REDIC1: variants seen among roughly 807,000 people sequenced by gnomAD.
The protein encoded by REDIC1 is HEI10 Interacting Protein 1.
chr12:39,692,577 G>T, the REDIC1 span, among the ~76,000 whole-genome samples: 1 of 150,826 alleles, frequency 6.6e-6, no homozygotes, highest in African/African-American at 2.4e-5. Context: ...CAGTTCATCT[G>T]CTTTGATACT....
the REDIC1 span, among the ~76,000 whole-genome samples, chr12:39,771,368 C>T: frequency 6.6e-6 from 1 of 152,142 alleles, no homozygotes; most frequent in Admixed American, 6.6e-5. Context: ...CATTCCCTTG[C>T]TGGTTTTGGA....
At chr12:39,872,936 G>A in the REDIC1 span, among the ~76,000 whole-genome samples, 1 of 152,080 alleles carries the variant, frequency 6.6e-6, no homozygotes, top group African/African-American at 2.4e-5. Flanking sequence ...GTTAAATCAG[G>A]CTGAATATTT....
At chr12:39,896,308 AC>A in the REDIC1 span, among the ~76,000 whole-genome samples, 1 of 128,954 alleles carries the variant, frequency 7.8e-6, no homozygotes, top group Non-Finnish European at 1.7e-5. Flanking sequence ...ATATATGTAT[AC>A]ATATATGTAT....
At chr12:39,654,512 C>T in the REDIC1 span, among the ~76,000 whole-genome samples, 3 of 151,872 alleles carry the variant, frequency 2.0e-5, no homozygotes, top group Middle Eastern at 3.4e-3. Flanking sequence ...GGTGTGAACC[C>T]GGCAGGCGGA....
the REDIC1 span, among the ~76,000 whole-genome samples, chr12:39,897,739 T>C: frequency 6.6e-6 from 1 of 152,140 alleles, no homozygotes; most frequent in African/African-American, 2.4e-5. Context: ...GTAGAGAAAC[T>C]TAGAAAACAA....
chr12:39,884,951 T>C, the REDIC1 span, among the ~76,000 whole-genome samples: 2 of 152,194 alleles, frequency 1.3e-5, no homozygotes, highest in African/African-American at 4.8e-5. Flanking sequence ...TTAGTCATAA[T>C]TAGGATGATA....
the REDIC1 span, among the ~76,000 whole-genome samples, chr12:39,777,086 T>C: frequency 3.3e-5 from 5 of 152,248 alleles, no homozygotes; most frequent in Non-Finnish European, 7.3e-5. Flanking sequence ...TTTGGAATCA[T>C]ATTCGGAATC....
the REDIC1 span, chr12:39,830,409 C>T: frequency 2.9e-5 from 38 of 1,318,690 alleles, 1 homozygote; most frequent in South Asian, 5.8e-4. Context: ...CTGGTCTCTT[C>T]GATTTCTCCC....
the REDIC1 span, among the ~76,000 whole-genome samples, chr12:39,627,613 C>T: frequency 2.6e-5 from 4 of 152,208 alleles, no homozygotes; most frequent in Non-Finnish European, 5.9e-5. Context: ...ACTGCAGCAC[C>T]TGGAGGTGCA....
chr12:39,770,614 T>G, the REDIC1 span, among the ~76,000 whole-genome samples: 3 of 152,166 alleles, frequency 2.0e-5, no homozygotes, highest in Non-Finnish European at 4.4e-5. Context: ...GAACATTAAA[T>G]ATTCCCATCT....
At chr12:39,685,529 C>T in the REDIC1 span, among the ~76,000 whole-genome samples, 2 of 152,046 alleles carry the variant, frequency 1.3e-5, no homozygotes, top group African/African-American at 4.8e-5. Context: ...AAACCACTGC[C>T]CTGCTATGAT....
At chr12:39,830,829 T>C in the REDIC1 span, among the ~76,000 whole-genome samples, 2 of 152,192 alleles carry the variant, frequency 1.3e-5, no homozygotes, top group Non-Finnish European at 2.9e-5. Flanking sequence ...GAGTATCAAT[T>C]ATGGATTATT....
chr12:39,880,673 C>G, the REDIC1 span, among the ~76,000 whole-genome samples: 1 of 152,076 alleles, frequency 6.6e-6, no homozygotes, highest in African/African-American at 2.4e-5. Context: ...AGAAAATGTG[C>G]CAATGGAACT....
chr12:39,740,415 G>T, the REDIC1 span, among the ~76,000 whole-genome samples: 1 of 152,188 alleles, frequency 6.6e-6, no homozygotes, highest in Non-Finnish European at 1.5e-5. Flanking sequence ...TTTAAATTAG[G>T]CATAGGCTAT....
the REDIC1 span, among the ~76,000 whole-genome samples, chr12:39,824,207 A>G: frequency 1.3e-5 from 2 of 152,228 alleles, no homozygotes; most frequent in Admixed American, 6.5e-5. Context: ...TACAGGTATC[A>G]TTCATTATTC....
chr12:39,704,585 G>A, the REDIC1 span, among the ~76,000 whole-genome samples: 2 of 151,620 alleles, frequency 1.3e-5, no homozygotes, highest in Admixed American at 6.6e-5. Flanking sequence ...TATACCCAAA[G>A]GACTATAAAT....
At chr12:39,890,856 T>C in the REDIC1 span, among the ~76,000 whole-genome samples, 2 of 152,044 alleles carry the variant, frequency 1.3e-5, no homozygotes, top group South Asian at 4.2e-4. Flanking sequence ...TAAAATAATA[T>C]GAGAAAATAG....
chr12:39,728,400 A>G, the REDIC1 span, among the ~76,000 whole-genome samples: 17 of 152,204 alleles, frequency 1.1e-4, no homozygotes, highest in African/African-American at 2.2e-4. Flanking sequence ...TATTGAGATA[A>G]TCATGTGGTT....
chr12:39,880,784 G>A, the REDIC1 span, among the ~76,000 whole-genome samples: 15 of 152,176 alleles, frequency 9.9e-5, no homozygotes, highest in African/African-American at 3.6e-4. Context: ...GCGGCCTCAG[G>A]AAAGACCAAT....
Sources: gnomAD v4.1 joint callset for allele counts (sites outside exome capture counted in the v4.1 genomes callset) on GRCh38, gnomAD v4.1.1 for gene constraint, MANE v1.5 for transcripts, NCBI Gene and HGNC (gene_info 2026-07-23, HGNC 2026-07-21) for gene names.